The following PTPRC variants were observed in gnomAD, a reference collection of about 807,000 sequenced individuals.
The protein encoded by PTPRC is protein tyrosine phosphatase receptor type C.
In PTPRC, 44 loss-of-function variants were observed where a neutral mutation model predicts 155.9. That is an observed-to-expected ratio of 0.28 (90% CI 0.22 to 0.36). The LOEUF (loss-of-function observed/expected upper bound fraction) is 0.36, where lower values mean the gene tolerates loss of function less well. Ranked by LOEUF, PTPRC falls within the 10% of genes least tolerant of loss-of-function variation. The pLI is 1.00. For missense variants in PTPRC, 1,401 were observed against 1,564.6 expected, an observed-to-expected ratio of 0.90 and a Z score of 1.76; for synonymous variants, 525 against 533.1, an observed-to-expected ratio of 0.98 and a Z score of 0.21.
intron 2 of PTPRC, among the ~76,000 whole-genome samples, chr1:198,660,030 CAT>C (rs34796231): frequency 0.045 from 5,141 of 114,814 alleles, 135 homozygotes; most frequent in Non-Finnish European, 0.052. Flanking sequence ...TATATATGTC[CAT>C]ATATATATAT....
chr1:198,696,091 C>T (rs142816791), intron 3 of PTPRC, among the ~76,000 whole-genome samples: 2,458 of 151,646 alleles, frequency 0.016, 27 homozygotes, highest in Non-Finnish European at 0.016. Context: ...ACCAGGGAGT[C>T]GGAGGTTGCA....
chr1:198,755,878 G>GTAAT (rs1291289511), intron 32 of PTPRC, 28 bp from the exon 33 acceptor site: 8 of 1,585,502 alleles, frequency 5.0e-6, no homozygotes, highest in Non-Finnish European at 6.9e-6. Flanking sequence ...CTTTCTTCAT[G>GTAAT]TAATTTCCCA....
chr1:198,747,506 C>T (rs1028550146), intron 26 of PTPRC, among the ~76,000 whole-genome samples: 1 of 151,472 alleles, frequency 6.6e-6, no homozygotes, highest in African/African-American at 2.4e-5. Flanking sequence ...TTAGAGCAGG[C>T]GAGATTGAAG....
At chr1:198,751,919 T>C (rs78510951) in intron 29 of PTPRC, among the ~76,000 whole-genome samples, 2,068 of 152,070 alleles carry the variant, frequency 0.014, 40 homozygotes, top group African/African-American at 0.047. Flanking sequence ...GCCATAAATA[T>C]TGAAGAGGTC....
At chr1:198,699,311 G>C (rs1276275553) in intron 4 of PTPRC, among the ~76,000 whole-genome samples, 3 of 152,166 alleles carry the variant, frequency 2.0e-5, no homozygotes, top group Admixed American at 6.5e-5. Flanking sequence ...AGTCAATAAA[G>C]CCACCTGGAA....
At chr1:198,660,329 GT>G (rs893240413) in intron 2 of PTPRC, among the ~76,000 whole-genome samples, 5 of 151,736 alleles carry the variant, frequency 3.3e-5, no homozygotes, top group African/African-American at 9.7e-5. Flanking sequence ...TGTGTTCAGG[GT>G]TTTATCATAT....
At chr1:198,741,241 A>T (rs1288758038) in intron 23 of PTPRC, among the ~76,000 whole-genome samples, 1 of 151,828 alleles carries the variant, frequency 6.6e-6, no homozygotes, top group Non-Finnish European at 1.5e-5. Flanking sequence ...TGACTTATGC[A>T]TCTTATGGTG....
At chr1:198,661,070 AAAAAG>A (rs1291031938) in intron 2 of PTPRC, among the ~76,000 whole-genome samples, 3 of 152,212 alleles carry the variant, frequency 2.0e-5, no homozygotes, top group Non-Finnish European at 4.4e-5. Flanking sequence ...ACATTAAGAA[AAAAAG>A]AAAAGCCTAA....
In PTPRC at chr1:198,752,226, T is replaced by A. The variant is rs779164095; in HGVS notation, c.3208-23T>A. The A allele has an allele frequency of 1.3e-5, 21 of 1,606,466 alleles. No homozygotes were observed. The South Asian group carries it at 1.4e-4, about 11-fold the overall frequency. ...CATATTTCAAATAGGAAACAAATTGTTGAATTGTCTTCTTTTATCTAGGAA... is the reference window on the plus strand; with the variant it reads ...CATATTTCAAATAGGAAACAAATTGATGAATTGTCTTCTTTTATCTAGGAA... On this transcript the variant is annotated intron_variant, in intron 29 of 32. Coordinates refer to ENST00000442510, the MANE Select transcript of PTPRC (RefSeq NM_002838.5).
At chr1:198,663,310 TA>T (rs761913355) in intron 2 of PTPRC, among the ~76,000 whole-genome samples, 3 of 152,212 alleles carry the variant, frequency 2.0e-5, no homozygotes, top group South Asian at 4.1e-4. Flanking sequence ...TGAATAATAA[TA>T]GTCTTTAACT....
chr1:198,688,968 G>A (rs12144388), intron 2 of PTPRC, among the ~76,000 whole-genome samples: 63,006 of 151,968 alleles, frequency 0.41, 14,510 homozygotes, highest in African/African-American at 0.62. Context: ...GGTTTTTGTG[G>A]TGCTTAAGAA....
chr1:198,739,020 G>A (rs1654776858), intron 23 of PTPRC, among the ~76,000 whole-genome samples: 1 of 151,714 alleles, frequency 6.6e-6, no homozygotes. Context: ...TGTCTTCAGT[G>A]TAAAATAATG....
intron 23 of PTPRC, among the ~76,000 whole-genome samples, chr1:198,739,568 C>G (rs1654804395): frequency 6.6e-6 from 1 of 151,680 alleles, no homozygotes; most frequent in East Asian, 1.9e-4. Flanking sequence ...CTGGAGCACA[C>G]AGATATATAA....
At chr1:198,687,880 T>A (rs1044570301) in intron 2 of PTPRC, among the ~76,000 whole-genome samples, 2 of 152,166 alleles carry the variant, frequency 1.3e-5, no homozygotes, top group Admixed American at 6.5e-5. Context: ...TTATTTTAAA[T>A]AGATTCTATG....
intron 15 of PTPRC, among the ~76,000 whole-genome samples, chr1:198,723,010 A>C (rs1653964323): frequency 6.6e-6 from 1 of 151,758 alleles, no homozygotes; most frequent in Non-Finnish European, 1.5e-5. Flanking sequence ...TCATTATAAT[A>C]ATGAAAATAA....
chr1:198,670,758 T>C (rs892665266), intron 2 of PTPRC, among the ~76,000 whole-genome samples: 1 of 152,178 alleles, frequency 6.6e-6, no homozygotes, highest in Non-Finnish European at 1.5e-5. Flanking sequence ...AAAATCTGTC[T>C]TAGCAATTTT....
chr1:198,691,384 A>G (rs1030676795), intron 2 of PTPRC, among the ~76,000 whole-genome samples: 5 of 152,030 alleles, frequency 3.3e-5, no homozygotes, highest in Admixed American at 2.0e-4. Flanking sequence ...TATTTTCCTT[A>G]TTACTCTTTC....
chr1:198,696,167 A>AT (rs1666191970), intron 3 of PTPRC, among the ~76,000 whole-genome samples: 1 of 145,800 alleles, frequency 6.9e-6, no homozygotes, highest in Non-Finnish European at 1.5e-5. Flanking sequence ...TCAAAAAGAA[A>AT]ATATATATAT....
chr1:198,708,108 G>A, intron 9 of PTPRC, 25 bp from the exon 10 acceptor site: 1 of 1,587,566 alleles, frequency 6.3e-7, no homozygotes, highest in East Asian at 2.2e-5. Flanking sequence ...TACTAATCAA[G>A]TTTATTTCTG....
Sources: gnomAD v4.1 joint callset for allele counts (sites outside exome capture counted in the v4.1 genomes callset) on GRCh38, gnomAD v4.1.1 for gene constraint, MANE v1.5 for transcripts, NCBI Gene and HGNC (gene_info 2026-07-23, HGNC 2026-07-21) for gene names.